SUCLG2: variants seen among roughly 807,000 people sequenced by gnomAD.
SUCLG2 encodes the protein succinate-CoA ligase GDP-forming subunit beta.
A neutral mutation model predicts 47.9 loss-of-function variants in SUCLG2; 42 were observed. The ratio of observed to expected loss-of-function variants is 0.88; its 90% CI spans 0.69 to 1.14. The LOEUF (loss-of-function observed/expected upper bound fraction) is 1.14, where lower values mean the gene tolerates loss of function less well. Among genes scored for constraint, SUCLG2 ranks in the 50% most tolerant of loss-of-function variants. The probability of loss-of-function intolerance (pLI) is 0.00; values close to 1 mark genes in which losing one functional copy is unlikely to be tolerated. For synonymous variants in SUCLG2, 195 were observed against 197.3 expected, an observed-to-expected ratio of 0.99 and a Z score of 0.10; for missense variants, 571 against 525.9, an observed-to-expected ratio of 1.09 and a Z score of -0.84.
At chr3:67,638,498 C>T (rs1184584991) in intron 1 of SUCLG2, among the ~76,000 whole-genome samples, 1 of 152,174 alleles carries the variant, frequency 6.6e-6, no homozygotes, top group East Asian at 1.9e-4. Context: ...GTTCTTTTGC[C>T]TTACCTAGGA....
At chr3:67,484,490 C>T (rs1207776886) in intron 9 of SUCLG2, among the ~76,000 whole-genome samples, 1 of 152,148 alleles carries the variant, frequency 6.6e-6, no homozygotes, top group Admixed American at 6.5e-5. Flanking sequence ...TGTACCATTA[C>T]AGGGGCTACA....
intron 9 of SUCLG2, among the ~76,000 whole-genome samples, chr3:67,413,461 GT>G (rs1267438927): frequency 1.3e-5 from 2 of 152,166 alleles, no homozygotes; most frequent in Non-Finnish European, 2.9e-5. Context: ...AAAAATGTAG[GT>G]CTGCAACCTT....
intron 9 of SUCLG2, among the ~76,000 whole-genome samples, chr3:67,417,321 T>C (rs893144134): frequency 1.4e-4 from 22 of 152,354 alleles, no homozygotes; most frequent in Middle Eastern, 6.8e-3. Flanking sequence ...GCAGTCATCA[T>C]TGCTAGCTGC....
intron 1 of SUCLG2, among the ~76,000 whole-genome samples, chr3:67,629,503 G>A (rs1700890551): frequency 6.6e-6 from 1 of 150,766 alleles, no homozygotes; most frequent in Non-Finnish European, 1.5e-5. Context: ...ATATGGGGGA[G>A]GGGGGGGCGC....
At chr3:67,525,828 T>A (rs1706241464) in intron 4 of SUCLG2, among the ~76,000 whole-genome samples, 1 of 152,184 alleles carries the variant, frequency 6.6e-6, no homozygotes, top group Non-Finnish European at 1.5e-5. Flanking sequence ...AATGACCCTG[T>A]TGAAAAAATG....
intron 2 of SUCLG2, among the ~76,000 whole-genome samples, chr3:67,543,130 G>T (rs1706762213): frequency 6.6e-6 from 1 of 152,188 alleles, no homozygotes; most frequent in South Asian, 2.1e-4. Flanking sequence ...AGACCACAGT[G>T]CAATCAAATT....
intron 2 of SUCLG2, among the ~76,000 whole-genome samples, chr3:67,568,666 T>C (rs1707531136): frequency 6.6e-6 from 1 of 152,090 alleles, no homozygotes; most frequent in Non-Finnish European, 1.5e-5. Context: ...GGCGGGCGGA[T>C]CACGAGGTCA....
intron 2 of SUCLG2, among the ~76,000 whole-genome samples, chr3:67,535,180 C>A (rs1467596694): frequency 1.3e-5 from 2 of 151,136 alleles, no homozygotes; most frequent in Non-Finnish European, 2.9e-5. Context: ...TCATGTCTCC[C>A]CCTGATTTTC....
chr3:67,473,571 T>C (rs181283258), intron 9 of SUCLG2, among the ~76,000 whole-genome samples: 1 of 145,670 alleles, frequency 6.9e-6, no homozygotes, highest in Non-Finnish European at 1.6e-5. Flanking sequence ...TAAGAGTCTT[T>C]TGACTACACG....
intron 2 of SUCLG2, among the ~76,000 whole-genome samples, chr3:67,567,325 T>C (rs1707480654): frequency 6.6e-6 from 1 of 151,590 alleles, no homozygotes. Flanking sequence ...TGACAGGGTA[T>C]GGCTCTGTCA....
At chr3:67,534,333 A>C (rs1706480685) in intron 2 of SUCLG2, among the ~76,000 whole-genome samples, 1 of 152,168 alleles carries the variant, frequency 6.6e-6, no homozygotes. Context: ...TTAACAAAAA[A>C]TGTATTTATG....
chr3:67,410,386 G>C (rs1702908528), intron 9 of SUCLG2, among the ~76,000 whole-genome samples: 1 of 151,950 alleles, frequency 6.6e-6, no homozygotes, highest in African/African-American at 2.4e-5. Flanking sequence ...TTCAGGAGAA[G>C]AAAAATCTGA....
intron 9 of SUCLG2, among the ~76,000 whole-genome samples, chr3:67,469,821 C>G (rs763246944): frequency 6.0e-5 from 9 of 149,740 alleles, no homozygotes; most frequent in Admixed American, 2.0e-4. Context: ...TGAGGCAGCC[C>G]TATCACCTGA....
intron 9 of SUCLG2, among the ~76,000 whole-genome samples, chr3:67,422,114 C>T (rs1703173036): frequency 6.6e-6 from 1 of 152,018 alleles, no homozygotes; most frequent in Non-Finnish European, 1.5e-5. Flanking sequence ...AGCTTCAAAA[C>T]TTGAGGTTTT....
chr3:67,527,236 C>T (rs1196360230), intron 4 of SUCLG2, among the ~76,000 whole-genome samples: 2 of 152,234 alleles, frequency 1.3e-5, no homozygotes, highest in Non-Finnish European at 2.9e-5. Context: ...GACCACTGAT[C>T]TGTGACGCTA....
intron 2 of SUCLG2, among the ~76,000 whole-genome samples, chr3:67,582,307 T>G (rs191484844): frequency 3.3e-5 from 5 of 152,264 alleles, no homozygotes; most frequent in African/African-American, 1.2e-4. Context: ...TGTTGTTCTC[T>G]TCTTTGTGTC....
At chr3:67,587,575 G>C (rs1708056857) in intron 2 of SUCLG2, among the ~76,000 whole-genome samples, 1 of 152,196 alleles carries the variant, frequency 6.6e-6, no homozygotes, top group African/African-American at 2.4e-5. Flanking sequence ...TGCAGTGACA[G>C]CTGGAATGGA....
intron 2 of SUCLG2, among the ~76,000 whole-genome samples, chr3:67,567,951 C>T (rs1162987576): frequency 1.3e-5 from 2 of 152,082 alleles, no homozygotes; most frequent in African/African-American, 4.8e-5. Context: ...CGCTGTTAGC[C>T]GCCTCAGCAA....
chr3:67,585,288 C>A (rs1176796364), intron 2 of SUCLG2, among the ~76,000 whole-genome samples: 1 of 152,110 alleles, frequency 6.6e-6, no homozygotes, highest in African/African-American at 2.4e-5. Flanking sequence ...CCCACCAATC[C>A]AGTCCTTCGA....
Sources: gnomAD v4.1 joint callset for allele counts (sites outside exome capture counted in the v4.1 genomes callset) on GRCh38, gnomAD v4.1.1 for gene constraint, MANE v1.5 for transcripts, NCBI Gene and HGNC (gene_info 2026-07-23, HGNC 2026-07-21) for gene names.